BMERB1: variants seen among roughly 807,000 people sequenced by gnomAD.
The protein encoded by BMERB1 is bMERB domain containing 1, also known as bMERB domain-containing protein 1.
A neutral mutation model predicts 23.6 loss-of-function variants in BMERB1; 12 were observed. The ratio of observed to expected loss-of-function variants is 0.51; its 90% CI spans 0.33 to 0.82. BMERB1 has a LOEUF of 0.82. Ranked by LOEUF, BMERB1 falls within the 40% of genes least tolerant of loss-of-function variation. The pLI is 0.03. For missense variants in BMERB1, 247 were observed against 255.4 expected (o/e 0.97, Z 0.22); for synonymous variants, 122 against 96.6 (o/e 1.26, Z -1.54).
Position 15,564,724 on chromosome 16 carries a change from A to C in BMERB1, c.231-3259A>C, listed in dbSNP as rs530038418. Among the ~76,000 whole-genome samples, 3 of 152,374 alleles carry C rather than the reference A, an allele frequency of 2.0e-5. No homozygotes were observed. The South Asian group carries it at 6.2e-4, about 32-fold the overall frequency. On this transcript the variant is annotated intron_variant, in intron 2 of 5. Transcript: ENST00000300006. ...ACAAAATGTTGAAATCCCTGTTGCT[A>C]CATTGACTAAAAGATCATGTTGAAT...
intron 2 of BMERB1, among the ~76,000 whole-genome samples, chr16:15,551,771 T>TG (rs2030099101): frequency 6.6e-6 from 1 of 152,296 alleles, no homozygotes; most frequent in East Asian, 1.9e-4. Context: ...TCAGGAAACT[T>TG]GCAGTCATGG....
At chr16:15,567,147 C>T (rs530130495) in intron 2 of BMERB1, among the ~76,000 whole-genome samples, 33 of 152,088 alleles carry the variant, frequency 2.2e-4, no homozygotes, top group Non-Finnish European at 3.4e-4. Context: ...GCTATGATCA[C>T]GCCACTGCAC....
intron 3 of BMERB1, among the ~76,000 whole-genome samples, chr16:15,580,854 G>A (rs2030995762): frequency 6.6e-6 from 1 of 151,422 alleles, no homozygotes; most frequent in Admixed American, 6.6e-5. Flanking sequence ...CAGCTCAAGT[G>A]CTTTTAGTGG....
At chr16:15,504,461 T>TA (rs1555509111) in intron 1 of BMERB1, among the ~76,000 whole-genome samples, 1 of 151,218 alleles carries the variant, frequency 6.6e-6, no homozygotes, top group African/African-American at 2.4e-5. Context: ...TTTTTTTTTT[T>TA]ATTAAAGATA....
intron 1 of BMERB1, among the ~76,000 whole-genome samples, chr16:15,496,518 T>G (rs1244178641): frequency 6.6e-6 from 1 of 152,082 alleles, no homozygotes; most frequent in African/African-American, 2.4e-5. Context: ...AAGCTAAGGA[T>G]TAATAGACCC....
intron 1 of BMERB1, among the ~76,000 whole-genome samples, chr16:15,461,124 CAAAAA>C (rs35746898): frequency 7.6e-6 from 1 of 131,318 alleles, no homozygotes; most frequent in Admixed American, 7.6e-5. Flanking sequence ...GACTCTGTCT[CAAAAA>C]AAAAAAAAAA....
At chr16:15,461,162 T>C (rs1385115725) in intron 1 of BMERB1, among the ~76,000 whole-genome samples, 2 of 150,838 alleles carry the variant, frequency 1.3e-5, no homozygotes, top group African/African-American at 2.4e-5. Context: ...ATCAGGGGCT[T>C]TGAGCCTTCT....
Position 15,586,591 on chromosome 16 carries a change from G to A in BMERB1, c.503-126G>A, listed in dbSNP as rs533920974. 110 of 752,264 alleles carry A rather than the reference G, an allele frequency of 1.5e-4. No individual in the cohort carries two copies. In the East Asian group the frequency reaches 2.6e-3, roughly 18 times the overall value. 46.6% of individuals were successfully genotyped at this position (752,264 alleles called of 1,614,324 possible). A position where few individuals can be genotyped will look rare whatever the true frequency, so the allele number is the denominator to read the frequency against. Reference sequence around the variant, plus strand: ...CAGCTCTCCATACCACCTGAACAAGGCCTGGAACAAGACCTGGCCAGGGGT... The same window carrying A: ...CAGCTCTCCATACCACCTGAACAAGACCTGGAACAAGACCTGGCCAGGGGT... On this transcript the variant is annotated intron_variant, in intron 5 of 5. Transcript: ENST00000300006.
At chr16:15,537,197 A>G (rs2052033371) in intron 2 of BMERB1, among the ~76,000 whole-genome samples, 2 of 152,192 alleles carry the variant, frequency 1.3e-5, no homozygotes, top group African/African-American at 2.4e-5. Flanking sequence ...ACAGTGTCCA[A>G]CCAAACAGAA....
At chr16:15,456,777 A>G (rs960231832) in intron 1 of BMERB1, among the ~76,000 whole-genome samples, 3 of 152,164 alleles carry the variant, frequency 2.0e-5, no homozygotes, top group African/African-American at 4.8e-5. Flanking sequence ...GAATGCTGCA[A>G]TAAATATCTT....
At chr16:15,545,734 A>G (rs1282872129) in intron 2 of BMERB1, among the ~76,000 whole-genome samples, 1 of 152,156 alleles carries the variant, frequency 6.6e-6, no homozygotes, top group Non-Finnish European at 1.5e-5. Flanking sequence ...AGTCTTGGAC[A>G]TGAGCTTCTG....
At chr16:15,561,563 C>T (rs1598521734) in intron 2 of BMERB1, among the ~76,000 whole-genome samples, 2 of 152,144 alleles carry the variant, frequency 1.3e-5, no homozygotes, top group African/African-American at 4.8e-5. Flanking sequence ...GCCACCCCAC[C>T]CAGCCATTCT....
intron 2 of BMERB1, among the ~76,000 whole-genome samples, chr16:15,536,251 T>C (rs1277017832): frequency 6.6e-6 from 1 of 152,094 alleles, no homozygotes. Context: ...CACCCTCCCC[T>C]GTGTCCCTTG....
intron 5 of BMERB1, among the ~76,000 whole-genome samples, chr16:15,585,709 A>G (rs544335730): frequency 6.6e-5 from 10 of 152,268 alleles, no homozygotes; most frequent in Admixed American, 5.2e-4. Flanking sequence ...GCACACCTGT[A>G]ATCCCAGCTA....
chr16:15,482,389 G>A (rs2051329411), intron 1 of BMERB1, among the ~76,000 whole-genome samples: 1 of 152,180 alleles, frequency 6.6e-6, no homozygotes, highest in Non-Finnish European at 1.5e-5. Flanking sequence ...GCTGCCTGGG[G>A]CTGGGAGTTG....
intron 1 of BMERB1, among the ~76,000 whole-genome samples, chr16:15,452,456 C>G (rs2051051095): frequency 6.6e-6 from 1 of 152,004 alleles, no homozygotes; most frequent in African/African-American, 2.4e-5. Context: ...GTACTGTCAT[C>G]TGGCTGAATC....
At chr16:15,495,541 AT>A (rs1450528809) in intron 1 of BMERB1, among the ~76,000 whole-genome samples, 10 of 151,414 alleles carry the variant, frequency 6.6e-5, no homozygotes, top group Admixed American at 6.6e-4. Flanking sequence ...AATTTTTTGT[AT>A]TTTTTAGTAG....
intron 1 of BMERB1, among the ~76,000 whole-genome samples, chr16:15,489,445 A>G (rs947698545): frequency 6.6e-6 from 1 of 152,140 alleles, no homozygotes; most frequent in Non-Finnish European, 1.5e-5. Context: ...TTCCCCTCGC[A>G]GGTTCCAGCT....
At chr16:15,497,375 G>T (rs934850782) in intron 1 of BMERB1, among the ~76,000 whole-genome samples, 1 of 152,172 alleles carries the variant, frequency 6.6e-6, no homozygotes, top group African/African-American at 2.4e-5. Context: ...CTGTAATCTG[G>T]TGAGTTTCAG....
Sources: gnomAD v4.1 joint callset for allele counts (sites outside exome capture counted in the v4.1 genomes callset) on GRCh38, gnomAD v4.1.1 for gene constraint, MANE v1.5 for transcripts, NCBI Gene and HGNC (gene_info 2026-07-23, HGNC 2026-07-21) for gene names.